The following ERG variants were observed in gnomAD, a reference collection of about 807,000 sequenced individuals.
ERG encodes transcriptional regulator ERG.
A neutral mutation model predicts 55.3 loss-of-function variants in ERG; 9 were observed. The ratio of observed to expected loss-of-function variants is 0.16; its 90% CI spans 0.10 to 0.28. The LOEUF is 0.28. Ranked by LOEUF, ERG falls within the 10% of genes least tolerant of loss-of-function variation. The probability of loss-of-function intolerance (pLI) is 1.00; values close to 1 mark genes in which losing one functional copy is unlikely to be tolerated. For synonymous variants in ERG, 223 were observed against 237.3 expected (o/e 0.94, Z 0.55); for missense variants, 434 against 631.6 (o/e 0.69, Z 3.35).
chr21:38,563,948 G>T (rs1254532836), intron 2 of ERG, among the ~76,000 whole-genome samples: 1 of 152,158 alleles, frequency 6.6e-6, no homozygotes, highest in Non-Finnish European at 1.5e-5. Context: ...GGGAGAGAGT[G>T]GTGTACAACG....
At chr21:38,466,155 A>T (rs751434743) in intron 1 of ERG, among the ~76,000 whole-genome samples, 7 of 152,200 alleles carry the variant, frequency 4.6e-5, no homozygotes, top group Non-Finnish European at 8.8e-5. Context: ...AATAATACAT[A>T]ATAGGCTGCA....
At chr21:38,648,598 C>T (rs111760603) in intron 1 of ERG, among the ~76,000 whole-genome samples, 1 of 152,188 alleles carries the variant, frequency 6.6e-6, no homozygotes, top group Non-Finnish European at 1.5e-5. Flanking sequence ...CCGTGCTCAT[C>T]GCATCTCCCA....
At chr21:38,518,991 C>T (rs910926011) in intron 2 of ERG, among the ~76,000 whole-genome samples, 1 of 152,158 alleles carries the variant, frequency 6.6e-6, no homozygotes, top group Admixed American at 6.6e-5. Context: ...GAAGAAACTG[C>T]ACAGGCAGTC....
intron 1 of ERG, among the ~76,000 whole-genome samples, chr21:38,638,083 G>A (rs949592118): frequency 6.6e-6 from 1 of 152,214 alleles, no homozygotes; most frequent in Admixed American, 6.5e-5. Context: ...GAAATGCTGA[G>A]GGGAAGATCT....
intron 2 of ERG, among the ~76,000 whole-genome samples, chr21:38,432,856 G>C (rs1164848135): frequency 6.6e-6 from 1 of 152,164 alleles, no homozygotes; most frequent in African/African-American, 2.4e-5. Flanking sequence ...TGGTAAATCC[G>C]TGTGAGGAGT....
At position 38,464,041 on chromosome 21, in the gene ERG, T is replaced by TCCG; in HGVS notation, c.19-18423_19-18421dup. ...GGTGTGATTCAGAAATGGTAAAAAC[T>TCCG]CCGAACACTAGGATGAGCACTGGGG... On this transcript the variant is annotated intron_variant, in intron 1 of 9. Transcript: ENST00000288319. 2.0e-5 allele frequency among the ~76,000 whole-genome samples: 3 copies of TCCG among 151,984 alleles called. No homozygotes were observed. In the East Asian group the frequency reaches 5.8e-4, roughly 29 times the overall value.
chr21:38,605,480 G>T (rs933356249), intron 1 of ERG, among the ~76,000 whole-genome samples: 14 of 152,194 alleles, frequency 9.2e-5, no homozygotes, highest in Admixed American at 3.9e-4. Flanking sequence ...CCCCAAGAAA[G>T]AATTTACATA....
chr21:38,374,495 G>T, the ERG span, among the ~76,000 whole-genome samples: 2 of 152,166 alleles, frequency 1.3e-5, no homozygotes, highest in African/African-American at 4.8e-5. Context: ...AAACAAGCTA[G>T]CTAGAAAAAC....
chr21:38,575,816 G>C (rs563915214), intron 1 of ERG: 13 of 1,201,284 alleles, frequency 1.1e-5, no homozygotes, highest in Non-Finnish European at 1.6e-5. Context: ...GTTCTAGCAG[G>C]ACAGGACACA....
intron 2 of ERG, among the ~76,000 whole-genome samples, chr21:38,541,004 C>CTGGGGTGGCAT (rs1472050861): frequency 2.0e-5 from 3 of 152,058 alleles, no homozygotes; most frequent in African/African-American, 7.2e-5. Context: ...TGGGGAGGCA[C>CTGGGGTGGCAT]TGGGGTGGAA....
chr21:38,410,865 A>T (rs565314887), intron 3 of ERG, among the ~76,000 whole-genome samples: 12 of 152,380 alleles, frequency 7.9e-5, no homozygotes, highest in Admixed American at 6.5e-4. Context: ...TTCTTAAATA[A>T]TATCAACGTA....
At chr21:38,498,543 C>T (rs2146693429), upstream of ERG, 1 of 1,359,094 alleles carries the variant, frequency 7.4e-7, no homozygotes, top group Non-Finnish European at 9.4e-7. The surrounding 1 kb of genome is among the most constrained non-coding windows in gnomAD (Gnocchi z 4.6). Flanking sequence ...TTGGTCCTGG[C>T]TGTCCAGCCC....
intron 4 of ERG, 21 bp from the exon 5 acceptor site, chr21:38,402,658 C>T (rs374941989): frequency 1.3e-5 from 17 of 1,267,802 alleles, no homozygotes; most frequent in South Asian, 6.5e-5. Flanking sequence ...AAACAAAAAG[C>T]GACATCAAAA....
rs1987482731 is a variant in ERG, at chr21:38,382,341, T to C, written c.*1062A>G. On this transcript the variant is annotated 3_prime_UTR_variant, in exon 10 of 10. Coordinates refer to ENST00000288319, the MANE Select transcript of ERG (RefSeq NM_182918.4). ...CCCAAAATGCCTGCGTGATTTCTGA[T>C]TGTGGCAGCCAAGAAGGCCATCTCT... The C allele has an allele frequency of 1.3e-5, 14 of 1,058,478 alleles. No homozygotes were observed. Among genetic ancestry groups the C allele is most frequent in the East Asian group, 5.2e-5 (1 of 19,214 alleles). 65.6% of individuals were successfully genotyped at this position (1,058,478 alleles called of 1,614,324 possible). A position where few individuals can be genotyped will look rare whatever the true frequency, so the allele number is the denominator to read the frequency against.
At chr21:38,558,272 C>A (rs1011500176) in intron 2 of ERG, among the ~76,000 whole-genome samples, 1 of 152,158 alleles carries the variant, frequency 6.6e-6, no homozygotes, top group Non-Finnish European at 1.5e-5. Flanking sequence ...ACCTTCTGTC[C>A]AAACTGAGAT....
At chr21:38,567,285 A>T (rs2059929208) in intron 2 of ERG, among the ~76,000 whole-genome samples, 1 of 152,252 alleles carries the variant, frequency 6.6e-6, no homozygotes, top group African/African-American at 2.4e-5. Context: ...GACCACGCAC[A>T]TAAAGAAATC....
intron 1 of ERG, chr21:38,471,920 T>C (rs1001809674): frequency 6.6e-6 from 1 of 152,198 alleles, no homozygotes; most frequent in African/African-American, 2.4e-5. Flanking sequence ...AAAACACACC[T>C]CAGAACTAAC....
intron 1 of ERG, among the ~76,000 whole-genome samples, chr21:38,618,504 G>C (rs1473818515): frequency 6.6e-6 from 1 of 152,128 alleles, no homozygotes. Flanking sequence ...TTAACTATAA[G>C]GTCCCTAAGT....
intron 1 of ERG, among the ~76,000 whole-genome samples, chr21:38,579,229 G>T (rs1345600789): frequency 6.6e-6 from 1 of 152,128 alleles, no homozygotes; most frequent in Non-Finnish European, 1.5e-5. Flanking sequence ...GCAGCCACTC[G>T]GTCTGTAACC....
Sources: allele counts gnomAD v4.1 joint callset (sites outside exome capture counted in the v4.1 genomes callset), GRCh38; gene constraint gnomAD v4.1.1; non-coding constraint Gnocchi (gnomAD v3.1); transcripts MANE v1.5; gene names NCBI Gene and HGNC (gene_info 2026-07-23, HGNC 2026-07-21).